The following APLP2 variants were observed in gnomAD, a reference collection of about 807,000 sequenced individuals.
The protein encoded by APLP2 is CDEI box-binding protein.
APLP2 carries 53 observed loss-of-function variants against 89.9 expected under a neutral mutation model. That is an observed-to-expected ratio of 0.59 (90% CI 0.47 to 0.74). APLP2 has a LOEUF of 0.74. Ranked by LOEUF, APLP2 falls within the 30% of genes least tolerant of loss-of-function variation. The pLI, the probability that APLP2 is intolerant of heterozygous loss-of-function variation, is 0.00. For missense variants in APLP2, 973 were observed against 975.9 expected, an observed-to-expected ratio of 1.00 and a Z score of 0.04; for synonymous variants, 372 against 348.6, an observed-to-expected ratio of 1.07 and a Z score of -0.75.
chr11:130,134,362 A>G (rs1951296501), intron 12 of APLP2, among the ~76,000 whole-genome samples: 1 of 152,152 alleles, frequency 6.6e-6, no homozygotes, highest in Non-Finnish European at 1.5e-5. Flanking sequence ...ACAGCGGGAG[A>G]GCACGTTGGT....
intron 3 of APLP2, among the ~76,000 whole-genome samples, chr11:130,116,770 A>G (rs1949233168): frequency 6.6e-6 from 1 of 152,038 alleles, no homozygotes; most frequent in Admixed American, 6.6e-5. Context: ...CTGCGTCCAG[A>G]CATCCTTAGG....
rs763345033 is a variant in APLP2, at chr11:130,120,781, G to GT, written c.480dup (p.Glu161Ter). On this transcript the variant is annotated frameshift_variant, in exon 4 of 17. Coordinates refer to ENST00000338167, the MANE Select transcript of APLP2 (RefSeq NM_001142276.2). LOFTEE classifies it high-confidence loss of function. The stretch of plus-strand genomic sequence containing the variant: ...TTCCACAAAGAGCGGATGGAGGTGT[G>GT]TGAGAATCACCAGCACTGGCACACG... The GT allele has an allele frequency of 1.2e-6, 2 of 1,613,970 alleles. No individual in the cohort carries two copies.
chr11:130,143,091 G>A (rs1278789812), intron 16 of APLP2, among the ~76,000 whole-genome samples: 1 of 152,208 alleles, frequency 6.6e-6, no homozygotes, highest in African/African-American at 2.4e-5. Flanking sequence ...ACGGTGCTAG[G>A]AAATCCAGTT....
At chr11:130,112,994 T>G (rs1257757895) in intron 3 of APLP2, among the ~76,000 whole-genome samples, 1 of 152,168 alleles carries the variant, frequency 6.6e-6, no homozygotes, top group Non-Finnish European at 1.5e-5. Flanking sequence ...AGGAGTTGCC[T>G]CCTTTAAAGG....
intron 2 of APLP2, among the ~76,000 whole-genome samples, chr11:130,110,252 C>G (rs995180003): frequency 2.0e-5 from 3 of 152,240 alleles, no homozygotes; most frequent in African/African-American, 7.2e-5. Context: ...CTTGACATCT[C>G]ATGAATTTGT....
At chr11:130,075,649 C>T (rs949019463) in intron 1 of APLP2, among the ~76,000 whole-genome samples, 1 of 152,178 alleles carries the variant, frequency 6.6e-6, no homozygotes, top group Non-Finnish European at 1.5e-5. Flanking sequence ...GGTAATTTAT[C>T]TCCATAAGTC....
At chr11:130,118,396 G>A (rs1387436612) in intron 3 of APLP2, among the ~76,000 whole-genome samples, 1 of 152,134 alleles carries the variant, frequency 6.6e-6, no homozygotes, top group Non-Finnish European at 1.5e-5. Context: ...TATAGATTAT[G>A]TCATTTAGTC....
At chr11:130,078,598 T>C (rs1016007290) in intron 1 of APLP2, among the ~76,000 whole-genome samples, 1 of 152,228 alleles carries the variant, frequency 6.6e-6, no homozygotes, top group East Asian at 1.9e-4. Context: ...TTTATTTTTT[T>C]GCCTTTCGCT....
intron 1 of APLP2, among the ~76,000 whole-genome samples, chr11:130,102,279 A>T (rs1024633227): frequency 1.3e-5 from 2 of 152,222 alleles, no homozygotes; most frequent in African/African-American, 4.8e-5. Context: ...TCCTTAAAAA[A>T]GGTTTTTGAA....
At chr11:130,098,578 T>A (rs1016388254) in intron 1 of APLP2, among the ~76,000 whole-genome samples, 2 of 152,240 alleles carry the variant, frequency 1.3e-5, no homozygotes, top group African/African-American at 4.8e-5. Context: ...AAAGCTGGCA[T>A]GTTGGATAGT....
chr11:130,090,993 C>T (rs1591778173), intron 1 of APLP2, among the ~76,000 whole-genome samples: 1 of 147,666 alleles, frequency 6.8e-6, no homozygotes, highest in East Asian at 2.1e-4. Context: ...GGGCGGGGGG[C>T]CGACCCCCCC....
chr11:130,085,637 C>T (rs576333586), intron 1 of APLP2, among the ~76,000 whole-genome samples: 5 of 152,088 alleles, frequency 3.3e-5, no homozygotes, highest in Non-Finnish European at 5.9e-5. Context: ...GTGTACAATT[C>T]GGTGGCATTA....
intron 1 of APLP2, among the ~76,000 whole-genome samples, chr11:130,076,174 A>G (rs1457875100): frequency 2.6e-5 from 4 of 152,146 alleles, no homozygotes; most frequent in African/African-American, 9.7e-5. Context: ...TCCTGGGTTC[A>G]AGCGATTCTC....
At position 130,109,290 on chromosome 11, in the gene APLP2, A is replaced by G. The variant is rs529560878; in HGVS notation, c.106-139A>G. On this transcript the variant is annotated intron_variant, in intron 1 of 16. Coordinates refer to ENST00000338167, the MANE Select transcript of APLP2 (RefSeq NM_001142276.2). ...TTTTTATTCTGTTCTAGCTCCTGGG[A>G]AAAGGATTTGTTTGTGAAGATACAA... is the stretch of plus-strand genomic sequence containing the variant. 16 of 756,456 alleles carry G rather than the reference A, an allele frequency of 2.1e-5. 1 individual carries two copies. The South Asian group carries it at 3.8e-4, about 18-fold the overall frequency. The allele number at this position is 756,456 out of a possible 1,614,324, so 46.9% of individuals were successfully genotyped here.
chr11:130,077,289 A>C (rs1245214787), intron 1 of APLP2, among the ~76,000 whole-genome samples: 2 of 152,230 alleles, frequency 1.3e-5, no homozygotes, highest in Non-Finnish European at 1.5e-5. Context: ...GGAATGGTGA[A>C]GAATGTGAAA....
chr11:130,085,336 C>T (rs1204561018), intron 1 of APLP2, among the ~76,000 whole-genome samples: 2 of 152,106 alleles, frequency 1.3e-5, no homozygotes, highest in African/African-American at 4.8e-5. Context: ...TGTGTAATCC[C>T]AGCTACTCCG....
intron 3 of APLP2, chr11:130,114,241 C>G (rs1199265312): frequency 6.7e-6 from 1 of 150,354 alleles, no homozygotes; most frequent in Non-Finnish European, 1.5e-5. Flanking sequence ...TTTTTTTTAA[C>G]TACAGACCAG....
At chr11:130,094,194 C>T (rs929053723) in intron 1 of APLP2, among the ~76,000 whole-genome samples, 1 of 151,884 alleles carries the variant, frequency 6.6e-6, no homozygotes, top group Non-Finnish European at 1.5e-5. Flanking sequence ...ACTGGGATTA[C>T]AGGCATGCGC....
chr11:130,093,198 A>G (rs367632161), intron 1 of APLP2, among the ~76,000 whole-genome samples: 5 of 152,346 alleles, frequency 3.3e-5, no homozygotes, highest in Middle Eastern at 6.8e-3. Flanking sequence ...GACCTTGTGC[A>G]TGTGCAGGAA....
Sources: gnomAD v4.1 joint callset for allele counts (sites outside exome capture counted in the v4.1 genomes callset) on GRCh38, gnomAD v4.1.1 for gene constraint, MANE v1.5 for transcripts, NCBI Gene and HGNC (gene_info 2026-07-23, HGNC 2026-07-21) for gene names.